EHBP1: variants seen among roughly 807,000 people sequenced by gnomAD.
EHBP1 encodes EH domain-binding protein 1.
In EHBP1, 55 loss-of-function variants were observed where a neutral mutation model predicts 144.0. That is an observed-to-expected ratio of 0.38 (90% CI 0.31 to 0.48). The LOEUF (loss-of-function observed/expected upper bound fraction) is 0.48, where lower values mean the gene tolerates loss of function less well. Ranked by LOEUF, EHBP1 falls within the 20% of genes least tolerant of loss-of-function variation. The pLI, the probability that EHBP1 is intolerant of heterozygous loss-of-function variation, is 0.98. For missense variants in EHBP1, 1,200 were observed against 1,364.2 expected, an observed-to-expected ratio of 0.88 and a Z score of 1.90; for synonymous variants, 469 against 472.7, an observed-to-expected ratio of 0.99 and a Z score of 0.10.
intron 19 of EHBP1, among the ~76,000 whole-genome samples, chr2:63,028,974 A>G (rs1410831970): frequency 6.6e-6 from 1 of 152,132 alleles, no homozygotes; most frequent in Non-Finnish European, 1.5e-5. Context: ...TTTGTACTTC[A>G]TATTGTAATT....
chr2:63,031,278 G>A (rs1289265200), intron 19 of EHBP1, among the ~76,000 whole-genome samples: 1 of 152,138 alleles, frequency 6.6e-6, no homozygotes, highest in Non-Finnish European at 1.5e-5. Context: ...AAGGCCTTCA[G>A]GAGAGTGGAG....
chr2:62,744,519 C>T (rs2038980501), intron 2 of EHBP1, among the ~76,000 whole-genome samples: 1 of 152,074 alleles, frequency 6.6e-6, no homozygotes, highest in Non-Finnish European at 1.5e-5. Flanking sequence ...TTTTAGAACA[C>T]TGCCTCAGTT....
intron 5 of EHBP1, among the ~76,000 whole-genome samples, chr2:62,794,066 A>G (rs190200500): frequency 2.9e-4 from 44 of 152,218 alleles, no homozygotes; most frequent in African/African-American, 1.0e-3. Context: ...TGTCTTCGCA[A>G]TTTAAGAATA....
upstream of EHBP1, among the ~76,000 whole-genome samples, chr2:62,704,565 G>T (rs1234405117): frequency 6.6e-6 from 1 of 152,048 alleles, no homozygotes; most frequent in Non-Finnish European, 1.5e-5. Flanking sequence ...TTTTATGTTA[G>T]CTTGCCTCTC....
intron 10 of EHBP1, among the ~76,000 whole-genome samples, chr2:62,894,956 A>AGAGAG (rs1553463475): frequency 1.3e-5 from 2 of 150,702 alleles, no homozygotes; most frequent in Non-Finnish European, 3.0e-5. Context: ...AGAGAGAGAG[A>AGAGAG]ATGCTGCAGG....
chr2:62,930,405 C>T (rs953201565), intron 10 of EHBP1, among the ~76,000 whole-genome samples: 2 of 152,132 alleles, frequency 1.3e-5, no homozygotes, highest in Admixed American at 6.5e-5. Flanking sequence ...AAAGATATCC[C>T]GTGTTCTTGG....
chr2:62,995,841 T>A (rs2059608148), intron 18 of EHBP1, among the ~76,000 whole-genome samples: 1 of 152,090 alleles, frequency 6.6e-6, no homozygotes, highest in Non-Finnish European at 1.5e-5. Context: ...AAAGGTAAAC[T>A]GGCACACATA....
At chr2:62,753,535 T>G (rs574295408) in intron 3 of EHBP1, among the ~76,000 whole-genome samples, 1 of 152,282 alleles carries the variant, frequency 6.6e-6, no homozygotes, top group East Asian at 1.9e-4. Flanking sequence ...TTTCCTGAAT[T>G]TGAATGTTGG....
At chr2:62,770,959 C>G (rs1032445910) in intron 4 of EHBP1, among the ~76,000 whole-genome samples, 2 of 152,018 alleles carry the variant, frequency 1.3e-5, no homozygotes, top group Admixed American at 1.3e-4. Context: ...GTGATGAAAA[C>G]TCATGAACAT....
intron 1 of EHBP1, among the ~76,000 whole-genome samples, chr2:62,690,324 G>A (rs1572870173): frequency 6.6e-6 from 1 of 152,176 alleles, no homozygotes; most frequent in African/African-American, 2.4e-5. Flanking sequence ...TGCACTTTGA[G>A]AGGCCGAGGG....
chr2:62,905,143 CAG>C (rs1033562868), intron 10 of EHBP1, among the ~76,000 whole-genome samples: 1 of 152,076 alleles, frequency 6.6e-6, no homozygotes, highest in Non-Finnish European at 1.5e-5. Flanking sequence ...GCTTCCCTAA[CAG>C]AACAAACAGC....
At chr2:62,852,170 G>A (rs1382807130) in intron 7 of EHBP1, among the ~76,000 whole-genome samples, 2 of 152,016 alleles carry the variant, frequency 1.3e-5, no homozygotes, top group Non-Finnish European at 2.9e-5. Flanking sequence ...CTCTCATTAA[G>A]ATTACTTTTA....
At chr2:62,684,907 T>C (rs770280867) in intron 1 of EHBP1, among the ~76,000 whole-genome samples, 2 of 152,194 alleles carry the variant, frequency 1.3e-5, no homozygotes, top group Non-Finnish European at 2.9e-5. Flanking sequence ...ATTTGTTGTC[T>C]CACAGCTCTG....
chr2:63,003,989 T>C (rs1026995035), intron 19 of EHBP1, among the ~76,000 whole-genome samples: 55 of 152,242 alleles, frequency 3.6e-4, no homozygotes, highest in African/African-American at 1.2e-3. Context: ...TAGGGACATG[T>C]ATCTGTTGTT....
At chr2:62,952,426 G>GT (rs2057439677) in intron 13 of EHBP1, among the ~76,000 whole-genome samples, 1 of 152,084 alleles carries the variant, frequency 6.6e-6, no homozygotes, top group Non-Finnish European at 1.5e-5. Flanking sequence ...GAGTTTAATT[G>GT]ACAGCGTTTG....
intron 19 of EHBP1, among the ~76,000 whole-genome samples, chr2:62,997,101 A>G (rs1306686801): frequency 6.6e-6 from 1 of 152,168 alleles, no homozygotes; most frequent in Admixed American, 6.6e-5. Context: ...GGGGAAAAAA[A>G]AGATTTGGCC....
chr2:62,880,563 G>A lies in EHBP1; in HGVS notation c.1185+6031G>A, dbSNP rs148699682. On this transcript the variant is annotated intron_variant, in intron 10 of 22. Transcript: ENST00000431489. ...TTAAATTAACAAGCAAAAAACAACC[G>A]ACCAACCCCATTAAACAATGAGCAA... 1.3e-4 allele frequency among the ~76,000 whole-genome samples: 20 copies of A among 151,872 alleles called. No homozygotes were observed. The South Asian group carries it at 2.3e-3, about 17-fold the overall frequency.
chr2:62,877,276 G>A (rs777565051), intron 10 of EHBP1, among the ~76,000 whole-genome samples: 2 of 152,186 alleles, frequency 1.3e-5, no homozygotes, highest in Non-Finnish European at 2.9e-5. Flanking sequence ...TTACATAATG[G>A]TAAGGGGTTC....
chr2:62,716,391 T>C (rs1350089238), intron 2 of EHBP1, among the ~76,000 whole-genome samples: 2 of 152,226 alleles, frequency 1.3e-5, no homozygotes, highest in African/African-American at 4.8e-5. Context: ...TGGATAATTT[T>C]TTAAGGTGTA....
Sources: gnomAD v4.1 joint callset for allele counts (sites outside exome capture counted in the v4.1 genomes callset) on GRCh38, gnomAD v4.1.1 for gene constraint, MANE v1.5 for transcripts, NCBI Gene and HGNC (gene_info 2026-07-23, HGNC 2026-07-21) for gene names.